The following MYO10 variants were observed in gnomAD, a reference collection of about 807,000 sequenced individuals.
MYO10 encodes the protein myosin X, also known as unconventional myosin-X.
MYO10 carries 133 observed loss-of-function variants against 257.3 expected under a neutral mutation model. That is an observed-to-expected ratio of 0.52 (90% CI 0.45 to 0.60). The LOEUF (loss-of-function observed/expected upper bound fraction) is 0.60. Among genes scored for constraint, MYO10 ranks in the 20% least tolerant of loss-of-function variants. The pLI is 0.00. For synonymous variants in MYO10, 1,104 were observed against 1,028.6 expected (o/e 1.07, Z -1.40); for missense variants, 2,399 against 2,635.7 (o/e 0.91, Z 1.97).
chr5:16,808,059 G>A (rs1296502616), intron 3 of MYO10, among the ~76,000 whole-genome samples: 1 of 152,208 alleles, frequency 6.6e-6, no homozygotes, highest in Non-Finnish European at 1.5e-5. Context: ...GAGGACACAT[G>A]ATTTCACCAC....
intron 1 of MYO10, among the ~76,000 whole-genome samples, chr5:16,920,718 T>C (rs1281888262): frequency 6.6e-6 from 1 of 152,260 alleles, no homozygotes; most frequent in Non-Finnish European, 1.5e-5. Context: ...ATTTTGACAC[T>C]GTATTTTGTT....
intron 5 of MYO10, 47 bp from the exon 6 acceptor site, chr5:16,781,876 T>G: frequency 6.3e-7 from 1 of 1,597,054 alleles, no homozygotes; most frequent in South Asian, 1.1e-5. Flanking sequence ...AGGGTGGGTC[T>G]GAAGACAGCA....
At chr5:16,850,023 G>C (rs1449171449) in intron 2 of MYO10, among the ~76,000 whole-genome samples, 1 of 152,256 alleles carries the variant, frequency 6.6e-6, no homozygotes, top group African/African-American at 2.4e-5. Flanking sequence ...TATCTATTCA[G>C]CAAGTCTGAT....
intron 2 of MYO10, among the ~76,000 whole-genome samples, chr5:16,821,664 C>T (rs1742821731): frequency 6.6e-6 from 1 of 151,568 alleles, no homozygotes; most frequent in Admixed American, 6.6e-5. Flanking sequence ...GATGGGGTTT[C>T]ACTGTGTTAG....
At chr5:16,747,934 A>AG (rs1740252678) in intron 19 of MYO10, among the ~76,000 whole-genome samples, 1 of 123,168 alleles carries the variant, frequency 8.1e-6, no homozygotes, top group Non-Finnish European at 1.5e-5. Context: ...AAAAAAAAAA[A>AG]AAAAAAAAAA....
intron 2 of MYO10, among the ~76,000 whole-genome samples, chr5:16,823,644 T>G (rs1742907977): frequency 6.6e-6 from 1 of 150,504 alleles, no homozygotes; most frequent in Admixed American, 6.6e-5. Flanking sequence ...GCTCATTTTT[T>G]TTGTATTTTT....
At chr5:16,931,194 C>G (rs753922285) in intron 1 of MYO10, among the ~76,000 whole-genome samples, 2 of 152,010 alleles carry the variant, frequency 1.3e-5, no homozygotes, top group Non-Finnish European at 2.9e-5. Flanking sequence ...TCGCTTGAAC[C>G]CGGGAGGCGG....
chr5:16,750,546 G>A (rs1426835061), intron 19 of MYO10, among the ~76,000 whole-genome samples: 1 of 152,142 alleles, frequency 6.6e-6, no homozygotes, highest in South Asian at 2.1e-4. Context: ...GGGTAAAGGG[G>A]GTGTGCTCCC....
intron 9 of MYO10, among the ~76,000 whole-genome samples, chr5:16,772,459 T>G (rs1469432994): frequency 6.6e-6 from 1 of 152,226 alleles, no homozygotes; most frequent in East Asian, 1.9e-4. Flanking sequence ...AAGAAAATTA[T>G]GCACATGATA....
intron 3 of MYO10, among the ~76,000 whole-genome samples, chr5:16,797,347 G>A (rs1440235706): frequency 1.3e-5 from 2 of 152,112 alleles, no homozygotes; most frequent in Non-Finnish European, 2.9e-5. Context: ...AAACACTTCA[G>A]GTCCCAAGCA....
At chr5:16,912,421 G>T (rs1057277524) in intron 1 of MYO10, among the ~76,000 whole-genome samples, 2 of 152,094 alleles carry the variant, frequency 1.3e-5, no homozygotes, top group African/African-American at 4.8e-5. Flanking sequence ...CTCAGTGCAC[G>T]CACTTTCCTT....
intron 3 of MYO10, among the ~76,000 whole-genome samples, chr5:16,812,500 C>T (rs1242541836): frequency 6.6e-6 from 1 of 152,192 alleles, no homozygotes; most frequent in Non-Finnish European, 1.5e-5. Flanking sequence ...AAACCCAAGC[C>T]TGTGTCATCA....
Position 16,701,155 on chromosome 5 carries a change from C to T in MYO10, c.3240G>A (p.Gly1080=), listed in dbSNP as rs1361075750. ...AGTCGCCGTCTGGGGAGGGCAAGTC[C>T]CCAGCGTTCTGGGGCATGCAGTAGG... ...ESTYCMPQNA[G]DLPSPDGDYD... is the part of the protein sequence containing the mutation. The change falls in exon 25 of 41, where the codon GGG becomes GGA. Residue 1080 remains glycine, a synonymous_variant. Transcript: ENST00000513610. This position sits in a 1 kb window ranked among gnomAD's most constrained non-coding sequence, Gnocchi z 8.1. The T allele has an allele frequency of 3.7e-6, 6 of 1,603,390 alleles. No individual in the cohort carries two copies. In the African/African-American group the frequency reaches 5.3e-5, roughly 14 times the overall value.
intron 2 of MYO10, among the ~76,000 whole-genome samples, chr5:16,827,942 G>C (rs1489726097): frequency 6.6e-6 from 1 of 152,096 alleles, no homozygotes; most frequent in East Asian, 1.9e-4. Flanking sequence ...CACAGCACAG[G>C]GAGAGTTCAA....
chr5:16,738,732 A>T (rs1194778014), intron 19 of MYO10, among the ~76,000 whole-genome samples: 1 of 151,938 alleles, frequency 6.6e-6, no homozygotes, highest in African/African-American at 2.4e-5. Flanking sequence ...CTCTACTAAA[A>T]ATGCAAAAAT....
At chr5:16,933,454 T>G (rs1010847022) in intron 1 of MYO10, among the ~76,000 whole-genome samples, 4 of 152,200 alleles carry the variant, frequency 2.6e-5, no homozygotes, top group African/African-American at 9.7e-5. Context: ...CATTCAGTAA[T>G]TTTTCCCCAA....
intron 1 of MYO10, among the ~76,000 whole-genome samples, chr5:16,902,027 G>A (rs1745392048): frequency 6.6e-6 from 1 of 152,102 alleles, no homozygotes; most frequent in African/African-American, 2.4e-5. Flanking sequence ...CCCAAGTTAT[G>A]TTCTTACCTT....
chr5:16,911,197 A>C (rs1470153127), intron 1 of MYO10, among the ~76,000 whole-genome samples: 1 of 152,194 alleles, frequency 6.6e-6, no homozygotes, highest in African/African-American at 2.4e-5. Context: ...TCCATTCAGA[A>C]AATACATAAA....
Position 16,853,074 on chromosome 5 carries a change from T to C in MYO10, c.120+24535A>G, listed in dbSNP as rs78553242. On this transcript the variant is annotated intron_variant, in intron 2 of 40. Coordinates refer to ENST00000513610, the MANE Select transcript of MYO10 (RefSeq NM_012334.3). ...CCTCGAAATCCATTATAAAAAAAAA[T>C]CATGATCATATGTTGGCCGGGCGCG... 2.6e-5 allele frequency among the ~76,000 whole-genome samples: 4 copies of C among 152,014 alleles called. No homozygotes were observed. The East Asian group carries it at 7.7e-4, about 29-fold the overall frequency.
Sources: gnomAD v4.1 joint callset for allele counts (sites outside exome capture counted in the v4.1 genomes callset) on GRCh38, gnomAD v4.1.1 for gene constraint, Gnocchi (gnomAD v3.1) non-coding constraint, MANE v1.5 for transcripts, NCBI Gene and HGNC (gene_info 2026-07-23, HGNC 2026-07-21) for gene names.